The following DRAXIN variants were observed in gnomAD, a reference collection of about 807,000 sequenced individuals.
DRAXIN encodes the protein dorsal repulsive axon guidance protein.
Under a neutral mutation model 33.9 loss-of-function variants are expected in DRAXIN, and 27 were observed. The ratio of observed to expected loss-of-function variants is 0.80; its 90% CI spans 0.59 to 1.10. The LOEUF is 1.10. Among genes scored for constraint, DRAXIN ranks in the 50% least tolerant of loss-of-function variants. DRAXIN has a pLI of 0.00. For synonymous variants in DRAXIN, 178 were observed against 194.0 expected (o/e 0.92, Z 0.69); for missense variants, 371 against 460.8 (o/e 0.81, Z 1.78).
Position 11,722,743 on chromosome 1 carries a change from T to C in DRAXIN, c.*3047T>C, listed in dbSNP as rs1168143349. The C allele has an allele frequency of 6.5e-6, 1 of 154,154 alleles. No homozygotes were observed. The highest frequency in any genetic ancestry group is 1.5e-5 in the Non-Finnish European group (1 of 68,196). The allele number at this position is 154,154 out of a possible 1,614,324, so 9.5% of individuals were successfully genotyped here. ...CACAGAGAGTGTGTAAATGAATTCA[T>C]GGCTATGCTCCAGGAAAACTATTTC... On this transcript the variant is annotated 3_prime_UTR_variant, in exon 7 of 7. Transcript: ENST00000294485.
chr1:11,723,015 T>G lies in DRAXIN; in HGVS notation c.*3319T>G, dbSNP rs1056425827. On this transcript the variant is annotated 3_prime_UTR_variant, in exon 7 of 7. Transcript: ENST00000294485. The stretch of plus-strand genomic sequence containing the variant: ...TTAATTTTTGTATTTTTAGTAGAGA[T>G]AAGGTTTTACCATGTTGGCCAGGCT... The G allele has an allele frequency of 6.6e-6, 1 of 152,034 alleles. No individual in the cohort carries two copies. Among genetic ancestry groups the G allele is most frequent in the African/African-American group, 2.4e-5 (1 of 41,386 alleles). The allele number at this position is 152,034 out of a possible 1,614,324, so 9.4% of individuals were successfully genotyped here.
chr1:11,693,609 A>G (rs1641139422), intron 1 of DRAXIN, among the ~76,000 whole-genome samples: 2 of 152,138 alleles, frequency 1.3e-5, no homozygotes, highest in African/African-American at 4.8e-5. Context: ...TTCTCTTTAG[A>G]GGCAAGAACG....
intron 5 of DRAXIN, among the ~76,000 whole-genome samples, chr1:11,713,122 C>T (rs996972416): frequency 1.3e-5 from 2 of 150,872 alleles, no homozygotes; most frequent in Admixed American, 6.6e-5. Flanking sequence ...TGCTTGAACC[C>T]GGGAGGCGGA....
upstream of DRAXIN, among the ~76,000 whole-genome samples, chr1:11,687,185 C>G (rs965795517): frequency 1.3e-5 from 2 of 152,184 alleles, no homozygotes; most frequent in African/African-American, 4.8e-5. The surrounding 1 kb of genome is among the most constrained non-coding windows in gnomAD (Gnocchi z 4.1). Flanking sequence ...CCCACCTCAG[C>G]CTCCCCAATA....
In DRAXIN at chr1:11,692,066, C is replaced by T. The variant is rs558305448; in HGVS notation, c.-11+213C>T. On this transcript the variant is annotated intron_variant, in intron 1 of 6. Coordinates refer to ENST00000294485, the MANE Select transcript of DRAXIN (RefSeq NM_198545.4). The surrounding 1 kb of genome is among the most constrained non-coding windows in gnomAD (Gnocchi z 5.8). ...TCTCCTCGCCGCGTCTGCCCACGGA[C>T]CCTGGCTCTGCTCCCGGGCTCCCCA... is the stretch of plus-strand genomic sequence containing the variant. 9.9e-5 allele frequency among the ~76,000 whole-genome samples: 15 copies of T among 152,238 alleles called. No homozygotes were observed. The South Asian group carries it at 2.9e-3, about 29-fold the overall frequency.
Position 11,709,485 on chromosome 1 carries a change from C to A in DRAXIN, c.642+20C>A. The A allele has an allele frequency of 6.2e-7, 1 of 1,604,864 alleles. No individual in the cohort carries two copies. The highest frequency in any genetic ancestry group is 1.1e-5 in the South Asian group (1 of 89,250). On this transcript the variant is annotated intron_variant, in intron 3 of 6. Transcript: ENST00000294485. The stretch of plus-strand genomic sequence containing the variant: ...CCCCAGGTAAGGGGTCCCCAAACAG[C>A]CTCGGATCTGGAAGGGTCCTTGAGC...
At chr1:11,693,793 T>C (rs1229455381) in intron 1 of DRAXIN, among the ~76,000 whole-genome samples, 1 of 152,182 alleles carries the variant, frequency 6.6e-6, no homozygotes, top group East Asian at 1.9e-4. Flanking sequence ...CTCTCTCCGC[T>C]GCCTTCCTCC....
chr1:11,708,175 T>C (rs895439654), intron 2 of DRAXIN, among the ~76,000 whole-genome samples: 1 of 152,004 alleles, frequency 6.6e-6, no homozygotes, highest in African/African-American at 2.4e-5. Flanking sequence ...ACGCGTGGGG[T>C]GTGGACCCGT....
chr1:11,706,211 C>T lies in DRAXIN; in HGVS notation c.-10-38C>T. On this transcript the variant is annotated intron_variant, in intron 1 of 6. Coordinates refer to ENST00000294485, the MANE Select transcript of DRAXIN (RefSeq NM_198545.4). The surrounding 1 kb of genome is among the most constrained non-coding windows in gnomAD (Gnocchi z 5.5). ...TTGAGTGAGGGGCAGCAGAGAGAGG[C>T]CTGGGGCTGCGCATTCATGGTGTTG... 1 of 1,483,126 alleles carries T rather than the reference C, an allele frequency of 6.7e-7. No individual in the cohort carries two copies. 91.9% of individuals were successfully genotyped at this position (1,483,126 alleles called of 1,614,324 possible).
chr1:11,711,966 G>C lies in DRAXIN; in HGVS notation c.757+1G>C. The C allele has an allele frequency of 6.2e-7, 1 of 1,610,958 alleles. No individual in the cohort carries two copies. Among genetic ancestry groups the C allele is most frequent in the South Asian group, 1.1e-5 (1 of 90,432 alleles). On this transcript the variant is annotated splice_donor_variant, in intron 4 of 6. Coordinates refer to ENST00000294485, the MANE Select transcript of DRAXIN (RefSeq NM_198545.4). LOFTEE classifies it high-confidence loss of function. ...GGTTGGCCCTCTGCAAAGAAGAAAG[G>C]TATGCCCACCTACCCCACTATCTTC...
intron 6 of DRAXIN, 110 bp from the exon 7 acceptor site, chr1:11,719,474 G>C: frequency 2.2e-6 from 2 of 929,098 alleles, no homozygotes; most frequent in Non-Finnish European, 3.3e-6. Context: ...GGGTTGTAGG[G>C]CAGAATAATG....
intron 1 of DRAXIN, among the ~76,000 whole-genome samples, chr1:11,701,734 T>C (rs936376267): frequency 6.6e-6 from 1 of 152,140 alleles, no homozygotes; most frequent in Non-Finnish European, 1.5e-5. Context: ...CGCCCCGGGC[T>C]GCGGGGAGGC....
upstream of DRAXIN, among the ~76,000 whole-genome samples, chr1:11,691,093 C>T (rs568627719): frequency 2.1e-4 from 32 of 152,326 alleles, no homozygotes; most frequent in South Asian, 6.2e-3. Context: ...TCTCGGAGAA[C>T]CCCGCCTGCC....
At position 11,705,481 on chromosome 1, in the gene DRAXIN, TCCCCC is replaced by T. The variant is rs1305011225; in HGVS notation, c.-10-767_-10-763del. On this transcript the variant is annotated intron_variant, in intron 1 of 6. Transcript: ENST00000294485. This position sits in a 1 kb window ranked among gnomAD's most constrained non-coding sequence, Gnocchi z 4.8. The stretch of plus-strand genomic sequence containing the variant: ...TCTGCAAAGCTGTTCCCAAAGCCCC[TCCCCC>T]AGGGGAAGGGACAGTGTCAGAACAT... Among the ~76,000 whole-genome samples the T allele has an allele frequency of 4.0e-5, 6 of 151,492 alleles. No homozygotes were observed. Among genetic ancestry groups the T allele is most frequent in the African/African-American group, 1.5e-4 (6 of 41,192 alleles).
chr1:11,717,963 T>C (rs1641601957), intron 6 of DRAXIN, among the ~76,000 whole-genome samples: 1 of 126,648 alleles, frequency 7.9e-6, no homozygotes, highest in Non-Finnish European at 1.6e-5. Flanking sequence ...GCCATGCCAC[T>C]GCACTCCAGT....
intron 4 of DRAXIN, 105 bp from the exon 5 acceptor site, chr1:11,712,235 C>T: frequency 7.5e-7 from 1 of 1,330,378 alleles, no homozygotes; most frequent in Non-Finnish European, 1.1e-6. Flanking sequence ...CTTGTCCAAG[C>T]CATGCTGTAG....
chr1:11,707,362 G>A (rs767892934), intron 2 of DRAXIN, among the ~76,000 whole-genome samples: 7 of 152,290 alleles, frequency 4.6e-5, no homozygotes, highest in Middle Eastern at 3.4e-3. Flanking sequence ...TGACGCATCC[G>A]GTAGGAGCTA....
At chr1:11,709,585 A>G in intron 3 of DRAXIN, 120 bp downstream of exon 3, 5 of 1,219,786 alleles carry the variant, frequency 4.1e-6, no homozygotes, top group Non-Finnish European at 5.6e-6. Flanking sequence ...GAGCTTACTT[A>G]GATTGAAACC....
rs1641633778 is a variant in DRAXIN at position 11,719,716 on chromosome 1, A to T, written c.*20A>T. 6.2e-7 allele frequency: 1 copy of T among 1,606,548 alleles called. No individual in the cohort carries two copies. ...GTCTAGCGGCCCCGCGGGACTGGGG[A>T]CTGAGCCCAGGAGGTTTGCACAAGC... On this transcript the variant is annotated 3_prime_UTR_variant, in exon 7 of 7. Coordinates refer to ENST00000294485, the MANE Select transcript of DRAXIN (RefSeq NM_198545.4).
Sources: gnomAD v4.1 joint callset for allele counts (sites outside exome capture counted in the v4.1 genomes callset) on GRCh38, gnomAD v4.1.1 for gene constraint, Gnocchi (gnomAD v3.1) non-coding constraint, MANE v1.5 for transcripts, NCBI Gene and HGNC (gene_info 2026-07-23, HGNC 2026-07-21) for gene names.